Variants in PHLDB2 observed in about 807,000 individuals in gnomAD.
PHLDB2 encodes pleckstrin homology like domain family B member 2, also known as pleckstrin homology-like domain family B member 2.
In PHLDB2, 71 loss-of-function variants were observed where a neutral mutation model predicts 123.6. The observed-to-expected ratio is 0.57, with a 90% confidence interval of 0.47 to 0.70. The LOEUF (loss-of-function observed/expected upper bound fraction) is 0.70, where lower values mean the gene tolerates loss of function less well. PHLDB2 is among the 30% of genes least tolerant of loss of function. PHLDB2 has a pLI of 0.00. For missense variants in PHLDB2, 1,446 were observed against 1,519.5 expected (o/e 0.95, Z 0.80); for synonymous variants, 547 against 541.6 (o/e 1.01, Z -0.14).
chr3:111,737,277 T>C (rs943870485), intron 1 of PHLDB2, among the ~76,000 whole-genome samples: 2 of 152,196 alleles, frequency 1.3e-5, no homozygotes, highest in African/African-American at 4.8e-5. Context: ...GCTGCCTGAG[T>C]CTCCATCCCA....
At chr3:111,845,948 T>G in intron 2 of PHLDB2, 2 of 1,610,306 alleles carry the variant, frequency 1.2e-6, no homozygotes, top group Non-Finnish European at 1.7e-6. Flanking sequence ...GAGAACTTTA[T>G]TGTCAGAGGT....
At chr3:111,782,932 C>T (rs1447086513) in intron 1 of PHLDB2, among the ~76,000 whole-genome samples, 1 of 152,100 alleles carries the variant, frequency 6.6e-6, no homozygotes, top group East Asian at 1.9e-4. Context: ...TATTGCATAG[C>T]TTGAATTAGT....
rs1419291663 is a variant in PHLDB2, at chr3:111,932,152, A to G, written c.2002-117A>G. 25 of 1,143,960 alleles carry G rather than the reference A, an allele frequency of 2.2e-5. No individual in the cohort carries two copies. The East Asian group carries it at 5.0e-4, about 23-fold the overall frequency. The allele number at this position is 1,143,960 out of a possible 1,614,324, so 70.9% of individuals were successfully genotyped here. ...ACTAACAAGATACGTTTCTACATTC[A>G]TAGATTGTCCAGAGTTTGTGTATGT... On this transcript the variant is annotated intron_variant, in intron 5 of 17. Transcript: ENST00000431670.
Position 111,884,959 on chromosome 3 carries a change from C to G in PHLDB2, c.882C>G (p.Ser294Arg). 6.2e-7 allele frequency: 1 copy of G among 1,614,018 alleles called. No individual in the cohort carries two copies. The change falls in exon 2 of 18, where the codon AGC becomes AGG. Residue 294 changes from serine (S) to arginine (R), a missense_variant. Around this residue, in one of 3 missense-constraint regions of PHLDB2, gnomAD observed 832 missense variants for 831.9 expected, o/e 1.00. Transcript: ENST00000431670. Reference sequence around the variant, plus strand: ...TTGGGGAAAAGGATCTACCTCATAGCGTAATAGACAATGACAATTACCTTA... The same window carrying G: ...TTGGGGAAAAGGATCTACCTCATAGGGTAATAGACAATGACAATTACCTTA... ...TKLGEKDLPH[S>R]VIDNDNYLNF...
rs775585138 is a variant in PHLDB2, at chr3:111,845,678, G to A, written c.-48-143G>A. The A allele has an allele frequency of 7.4e-5, 64 of 861,562 alleles. No individual in the cohort carries two copies. The Admixed American group carries it at 1.1e-3, about 14-fold the overall frequency. The allele number at this position is 861,562 out of a possible 1,614,324, so 53.4% of individuals were successfully genotyped here. ...GTGGAATAACAGAGTGATCCAGGAC[G>A]TCTGTTTTTCAACTTCAGCAGTAGT... On this transcript the variant is annotated intron_variant, in intron 1 of 17. Coordinates refer to the PHLDB2 transcript ENST00000393923.
intron 2 of PHLDB2, among the ~76,000 whole-genome samples, chr3:111,900,748 G>T (rs1299956327): frequency 6.6e-6 from 1 of 152,208 alleles, no homozygotes; most frequent in Non-Finnish European, 1.5e-5. Context: ...TAATAGACTT[G>T]CTCGCTGCAG....
At chr3:111,897,580 G>A (rs2066948828) in intron 2 of PHLDB2, among the ~76,000 whole-genome samples, 2 of 152,208 alleles carry the variant, frequency 1.3e-5, no homozygotes, top group Admixed American at 1.3e-4. Context: ...AAATTGCTAA[G>A]ACCATATCCC....
At chr3:111,905,145 A>G (rs1409141293) in intron 2 of PHLDB2, among the ~76,000 whole-genome samples, 1 of 152,124 alleles carries the variant, frequency 6.6e-6, no homozygotes, top group East Asian at 1.9e-4. Flanking sequence ...AGTCATGAAA[A>G]TTAAAAATTA....
chr3:111,960,099 G>GT (rs1446981875), intron 12 of PHLDB2: 20 of 697,216 alleles, frequency 2.9e-5, no homozygotes, highest in South Asian at 2.6e-4. Context: ...AATTTCTGTT[G>GT]TTTTTTTGTC....
At chr3:111,809,794 G>C (rs2061749478) in intron 1 of PHLDB2, among the ~76,000 whole-genome samples, 1 of 152,158 alleles carries the variant, frequency 6.6e-6, no homozygotes, top group African/African-American at 2.4e-5. Flanking sequence ...AAGGTTTGAA[G>C]ACAATAGTCA....
chr3:111,779,632 CT>C (rs1181593506), intron 1 of PHLDB2, among the ~76,000 whole-genome samples: 1 of 151,940 alleles, frequency 6.6e-6, no homozygotes, highest in Non-Finnish European at 1.5e-5. Flanking sequence ...TGTATATGTA[CT>C]ACATTTTCTT....
chr3:111,908,542 A>G (rs1419233363), intron 2 of PHLDB2, among the ~76,000 whole-genome samples: 1 of 152,212 alleles, frequency 6.6e-6, no homozygotes, highest in Non-Finnish European at 1.5e-5. Context: ...CCACTCTGCC[A>G]TGTTAGAGCA....
intron 14 of PHLDB2, 40 bp from the exon 15 acceptor site, chr3:111,967,638 A>G (rs1171151459): frequency 7.2e-6 from 11 of 1,523,496 alleles, no homozygotes; most frequent in Admixed American, 6.2e-5. Flanking sequence ...AAGTATAACC[A>G]GTATGTTTTA....
intron 1 of PHLDB2, among the ~76,000 whole-genome samples, chr3:111,876,657 G>T (rs2065636995): frequency 6.6e-6 from 1 of 152,042 alleles, no homozygotes; most frequent in Non-Finnish European, 1.5e-5. Context: ...TGCCATGGTG[G>T]TTTGCTGCAC....
At chr3:111,918,281 T>G (rs938665591) in intron 3 of PHLDB2, among the ~76,000 whole-genome samples, 1 of 152,232 alleles carries the variant, frequency 6.6e-6, no homozygotes, top group Non-Finnish European at 1.5e-5. Context: ...CTCACTTGTT[T>G]CTTGACTTTC....
At chr3:111,817,173 C>T (rs536771099) in intron 1 of PHLDB2, among the ~76,000 whole-genome samples, 5 of 152,210 alleles carry the variant, frequency 3.3e-5, no homozygotes, top group South Asian at 2.1e-4. Context: ...CTAATACAAG[C>T]GATTACCAGA....
At chr3:111,926,342 A>G (rs925819938) in intron 5 of PHLDB2, among the ~76,000 whole-genome samples, 3 of 152,204 alleles carry the variant, frequency 2.0e-5, no homozygotes, top group Non-Finnish European at 4.4e-5. Flanking sequence ...CAGTGAGCCT[A>G]GCCCAGAATT....
At chr3:111,834,290 T>C (rs1218221544) in intron 1 of PHLDB2, among the ~76,000 whole-genome samples, 1 of 136,046 alleles carries the variant, frequency 7.4e-6, no homozygotes, top group Non-Finnish European at 1.5e-5. Flanking sequence ...ATAATTCTAT[T>C]ATATACATAA....
At chr3:111,827,920 CAGA>C (rs1218659498) in intron 1 of PHLDB2, among the ~76,000 whole-genome samples, 3 of 152,070 alleles carry the variant, frequency 2.0e-5, no homozygotes, top group Non-Finnish European at 4.4e-5. Flanking sequence ...GGAAGTCTGG[CAGA>C]AGGAGATAAA....
Sources: allele counts gnomAD v4.1 joint callset (sites outside exome capture counted in the v4.1 genomes callset), GRCh38; gene constraint gnomAD v4.1.1; regional missense constraint gnomAD v4.1.1; transcripts MANE v1.5; gene names NCBI Gene and HGNC (gene_info 2026-07-23, HGNC 2026-07-21).